Variants in DNAH11 observed in about 807,000 individuals in gnomAD.
The protein encoded by DNAH11 is axonemal beta dynein heavy chain 11.
A neutral mutation model predicts 526.0 loss-of-function variants in DNAH11; 442 were observed. The ratio of observed to expected loss-of-function variants is 0.84; its 90% CI spans 0.78 to 0.91. The LOEUF is 0.91. DNAH11 is among the 40% of genes least tolerant of loss of function. The pLI is 0.00. For synonymous variants in DNAH11, 2,461 were observed against 1,935.9 expected, an observed-to-expected ratio of 1.27 and a Z score of -7.12; for missense variants, 6,989 against 5,448.7, an observed-to-expected ratio of 1.28 and a Z score of -8.90.
At chr7:21,857,911 T>A (rs1213303867) in intron 68 of DNAH11, among the ~76,000 whole-genome samples, 1 of 152,048 alleles carries the variant, frequency 6.6e-6, no homozygotes, top group Non-Finnish European at 1.5e-5. Flanking sequence ...CAATAGAAAA[T>A]AAAAACTTAA....
At chr7:21,717,098 A>G (rs113093303) in intron 42 of DNAH11, among the ~76,000 whole-genome samples, 25 of 152,254 alleles carry the variant, frequency 1.6e-4, no homozygotes, top group African/African-American at 5.8e-4. Flanking sequence ...GTAGACTACT[A>G]TAGGTGCTAC....
chr7:21,599,678 T>C (rs1389885422), intron 14 of DNAH11, 109 bp from the exon 15 acceptor site: 1 of 798,422 alleles, frequency 1.3e-6, no homozygotes, highest in African/African-American at 1.7e-5. Context: ...GTTCCTGTCT[T>C]GTGCACAACA....
chr7:21,774,975 G>C (rs1787608622), intron 56 of DNAH11, among the ~76,000 whole-genome samples: 1 of 152,152 alleles, frequency 6.6e-6, no homozygotes, highest in Non-Finnish European at 1.5e-5. Context: ...GAGTGGCCTG[G>C]GTAACCCACC....
At position 21,765,412 on chromosome 7, in the gene DNAH11, C is replaced by T; in HGVS notation, c.8941-16C>T. The stretch of plus-strand genomic sequence containing the variant: ...CATCACCCGCCTGTTTCTGCCTTGC[C>T]CCCATGTCTCCACAGATCATTTTGT... On this transcript the variant is annotated splice_polypyrimidine_tract_variant and intron_variant, in intron 54 of 81. Coordinates refer to ENST00000409508, the MANE Select transcript of DNAH11 (RefSeq NM_001277115.2). 6.2e-7 allele frequency: 1 copy of T among 1,613,480 alleles called. No homozygotes were observed. The highest frequency in any genetic ancestry group is 2.2e-5 in the East Asian group (1 of 44,864).
chr7:21,561,693 G>T (rs1440795437), intron 5 of DNAH11, among the ~76,000 whole-genome samples: 1 of 152,108 alleles, frequency 6.6e-6, no homozygotes, highest in East Asian at 1.9e-4. Flanking sequence ...ATATCCAGTC[G>T]AAAGTCTTCT....
chr7:21,856,128 A>G (rs1782838374), intron 68 of DNAH11, among the ~76,000 whole-genome samples: 1 of 152,194 alleles, frequency 6.6e-6, no homozygotes, highest in Non-Finnish European at 1.5e-5. Context: ...AAATGAATCT[A>G]GAGAGGTGGG....
chr7:21,872,135 A>AAAAAAAAAAACAAAAC (rs1783523066), intron 73 of DNAH11, among the ~76,000 whole-genome samples: 1 of 137,334 alleles, frequency 7.3e-6, no homozygotes, highest in African/African-American at 2.9e-5. Context: ...AAAAAAAAAA[A>AAAAAAAAAAACAAAAC]AAAAAAAAAA....
chr7:21,754,478 A>G (rs145679139), intron 54 of DNAH11, among the ~76,000 whole-genome samples: 94 of 151,988 alleles, frequency 6.2e-4, no homozygotes, highest in Admixed American at 1.2e-3. Flanking sequence ...ATTCATCTCT[A>G]TTGTTGTCTA....
chr7:21,842,434 C>A, intron 65 of DNAH11, 110 bp from the exon 66 acceptor site: 1 of 892,208 alleles, frequency 1.1e-6, no homozygotes, highest in Non-Finnish European at 1.6e-6. Flanking sequence ...TTCTCAATCA[C>A]CTGAGCTTCT....
intron 45 of DNAH11, among the ~76,000 whole-genome samples, chr7:21,732,434 G>A (rs888925590): frequency 1.3e-5 from 2 of 152,094 alleles, no homozygotes; most frequent in African/African-American, 2.4e-5. Flanking sequence ...AAATACCGGG[G>A]TTAGGGCTTC....
chr7:21,543,738 C>T, intron 1 of DNAH11, 142 bp downstream of exon 1: 1 of 814,054 alleles, frequency 1.2e-6, no homozygotes, highest in Non-Finnish European at 1.9e-6. Context: ...TCCTGAGGCC[C>T]GCAGGACTCC....
chr7:21,713,320 C>T (rs1194385951), intron 42 of DNAH11, among the ~76,000 whole-genome samples: 3 of 152,120 alleles, frequency 2.0e-5, no homozygotes, highest in African/African-American at 7.2e-5. Context: ...CCTTGCCTTC[C>T]GGCTTCTGGT....
At chr7:21,671,143 G>T (rs1035563916) in intron 30 of DNAH11, among the ~76,000 whole-genome samples, 2 of 152,060 alleles carry the variant, frequency 1.3e-5, no homozygotes, top group Non-Finnish European at 2.9e-5. Context: ...ATTGTAAATT[G>T]ATTTCTTTTA....
chr7:21,674,519 C>T (rs542141766), intron 30 of DNAH11, among the ~76,000 whole-genome samples: 1 of 152,268 alleles, frequency 6.6e-6, no homozygotes, highest in South Asian at 2.1e-4. Context: ...CACCACCATG[C>T]CTGGCTAATG....
intron 45 of DNAH11, among the ~76,000 whole-genome samples, chr7:21,727,752 A>G (rs1785192488): frequency 6.6e-6 from 1 of 152,248 alleles, no homozygotes; most frequent in Admixed American, 6.5e-5. Context: ...CAGAAAGCCC[A>G]GTGCATTCAT....
chr7:21,722,351 G>A (rs1349903810), intron 44 of DNAH11, among the ~76,000 whole-genome samples: 1 of 152,004 alleles, frequency 6.6e-6, no homozygotes, highest in African/African-American at 2.4e-5. Context: ...TGCTTCTATG[G>A]GTACCCCTGA....
intron 28 of DNAH11, among the ~76,000 whole-genome samples, chr7:21,654,068 C>G (rs908892397): frequency 6.6e-6 from 1 of 152,030 alleles, no homozygotes; most frequent in African/African-American, 2.4e-5. Context: ...TGGTTATCAG[C>G]AGCTCATATT....
intron 30 of DNAH11, among the ~76,000 whole-genome samples, chr7:21,673,563 G>C (rs1031343915): frequency 1.3e-5 from 2 of 152,104 alleles, no homozygotes; most frequent in East Asian, 3.9e-4. Context: ...CTCCATCTCT[G>C]CTCTGGGTCC....
intron 20 of DNAH11, 122 bp from the exon 21 acceptor site, chr7:21,614,992 A>G: frequency 1.7e-6 from 2 of 1,185,654 alleles, no homozygotes; most frequent in Non-Finnish European, 2.3e-6. Flanking sequence ...TACGCTGCAG[A>G]TTTATTTTTA....
Sources: gnomAD v4.1 joint callset for allele counts (sites outside exome capture counted in the v4.1 genomes callset) on GRCh38, gnomAD v4.1.1 for gene constraint, MANE v1.5 for transcripts, NCBI Gene and HGNC (gene_info 2026-07-23, HGNC 2026-07-21) for gene names.